NRG3: variants seen among roughly 807,000 people sequenced by gnomAD.
NRG3 encodes the protein neuregulin 3.
Under a neutral mutation model 66.9 loss-of-function variants are expected in NRG3, and 31 were observed. The ratio of observed to expected loss-of-function variants is 0.46; its 90% confidence interval spans 0.35 to 0.63. The LOEUF is 0.63. NRG3 is among the 20% of genes least tolerant of loss of function. NRG3 has a pLI of 0.00. For missense variants in NRG3, 910 were observed against 878.9 expected (o/e 1.04, Z -0.45); for synonymous variants, 393 against 359.4 (o/e 1.09, Z -1.06).
intron 2 of NRG3, among the ~76,000 whole-genome samples, chr10:82,541,513 G>A (rs1226324722): frequency 2.0e-5 from 3 of 152,076 alleles, no homozygotes; most frequent in Admixed American, 1.3e-4. Context: ...CAGGGGGTAC[G>A]TGACTGGGGG....
chr10:82,223,072 A>T (rs1388107969), intron 1 of NRG3, among the ~76,000 whole-genome samples: 1 of 152,200 alleles, frequency 6.6e-6, no homozygotes, highest in African/African-American at 2.4e-5. Context: ...ATTTCCTCTC[A>T]GGATTTCTTC....
chr10:82,137,093 G>A (rs1267328357), intron 1 of NRG3, among the ~76,000 whole-genome samples: 1 of 152,118 alleles, frequency 6.6e-6, no homozygotes, highest in Non-Finnish European at 1.5e-5. Context: ...TGATGTTCGT[G>A]TGGGGGAAAC....
At chr10:82,385,320 T>C (rs1425553398) in intron 2 of NRG3, among the ~76,000 whole-genome samples, 1 of 152,090 alleles carries the variant, frequency 6.6e-6, no homozygotes, top group Non-Finnish European at 1.5e-5. Context: ...CTTTAGTTTT[T>C]TCATTATATA....
intron 1 of NRG3, among the ~76,000 whole-genome samples, chr10:82,349,417 C>T (rs949518215): frequency 2.6e-5 from 4 of 150,978 alleles, no homozygotes; most frequent in Admixed American, 6.6e-5. Context: ...AGGCAGTCTG[C>T]CCGTTCTCAG....
At chr10:82,528,970 T>C (rs1360552602) in intron 2 of NRG3, among the ~76,000 whole-genome samples, 1 of 152,174 alleles carries the variant, frequency 6.6e-6, no homozygotes, top group East Asian at 1.9e-4. Context: ...TTTTCACTTG[T>C]AATAAAATTG....
intron 4 of NRG3, among the ~76,000 whole-genome samples, chr10:82,925,989 A>G (rs1327809884): frequency 6.6e-6 from 1 of 152,174 alleles, no homozygotes; most frequent in East Asian, 1.9e-4. Flanking sequence ...AGATTGTTTT[A>G]AAGGTTTAGC....
chr10:82,507,271 A>C (rs1446596562), intron 2 of NRG3, among the ~76,000 whole-genome samples: 2 of 152,180 alleles, frequency 1.3e-5, no homozygotes, highest in Non-Finnish European at 2.9e-5. Flanking sequence ...GTAAAGCTCC[A>C]TGCCTGAGGG....
At chr10:82,474,641 C>A (rs551579732) in intron 2 of NRG3, among the ~76,000 whole-genome samples, 67 of 151,954 alleles carry the variant, frequency 4.4e-4, no homozygotes, top group African/African-American at 1.6e-3. Flanking sequence ...CCAAGGGGAC[C>A]AATGTATGTA....
rs145479857 is a variant in NRG3 at position 82,230,687 on chromosome 10, A to G, written c.824-128052A>G. Among the ~76,000 whole-genome samples, 5 of 152,304 alleles carry G rather than the reference A, an allele frequency of 3.3e-5. No individual in the cohort carries two copies. The East Asian group carries it at 9.6e-4, about 29-fold the overall frequency. The stretch of plus-strand genomic sequence containing the variant: ...ATATTAAATATTTCTATCTGCATTG[A>G]TAAGTAAAAATATTTCTGAGAATTA... On this transcript the variant is annotated intron_variant, in intron 1 of 8. Transcript: ENST00000372141.
rs187557437 is a variant in NRG3, at chr10:81,914,001, A to T, written c.823+37838A>T. ...TTGTGGCACTTGTATCAAGCGGTAC[A>T]GCTATGCACACTCTCTAAGGCGGGC... On this transcript the variant is annotated intron_variant, in intron 1 of 8. Coordinates refer to ENST00000372141, the MANE Select transcript of NRG3 (RefSeq NM_001010848.4). Among the ~76,000 whole-genome samples the T allele has an allele frequency of 4.9e-3, 745 of 152,296 alleles. 2 individuals carry two copies. Among genetic ancestry groups the T allele is most frequent in the African/African-American group, 0.017 (711 of 41,540 alleles).
chr10:81,979,280 CAG>C (rs2060245808), intron 1 of NRG3, among the ~76,000 whole-genome samples: 1 of 151,868 alleles, frequency 6.6e-6, no homozygotes, highest in Non-Finnish European at 1.5e-5. Flanking sequence ...ATTTCCTCCA[CAG>C]AGTCTCTATG....
chr10:82,228,853 C>A (rs978440215), intron 1 of NRG3: 2 of 152,252 alleles, frequency 1.3e-5, no homozygotes, highest in Admixed American at 1.3e-4. Context: ...GTGGCAAGTG[C>A]ATGCCTGGAA....
At chr10:82,858,493 A>G (rs775971026) in intron 3 of NRG3, among the ~76,000 whole-genome samples, 1 of 152,160 alleles carries the variant, frequency 6.6e-6, no homozygotes, top group Non-Finnish European at 1.5e-5. Context: ...ATGATTTTAG[A>G]AACTACTAGA....
At chr10:81,944,421 G>C (rs970759777) in intron 1 of NRG3, among the ~76,000 whole-genome samples, 1 of 152,178 alleles carries the variant, frequency 6.6e-6, no homozygotes, top group Non-Finnish European at 1.5e-5. Flanking sequence ...ACCTTTACTT[G>C]AAAGACTAAA....
At chr10:82,442,724 A>C (rs1358704150) in intron 2 of NRG3, among the ~76,000 whole-genome samples, 1 of 151,362 alleles carries the variant, frequency 6.6e-6, no homozygotes, top group Non-Finnish European at 1.5e-5. Context: ...CTTATCAGAA[A>C]CAAAAAGTAA....
At chr10:82,584,706 A>G (rs1272428419) in intron 2 of NRG3, among the ~76,000 whole-genome samples, 1 of 152,120 alleles carries the variant, frequency 6.6e-6, no homozygotes, top group Non-Finnish European at 1.5e-5. Context: ...TCAAAACATA[A>G]TTTGTTACTT....
intron 1 of NRG3, among the ~76,000 whole-genome samples, chr10:82,176,013 C>T (rs759124601): frequency 3.3e-5 from 5 of 152,096 alleles, no homozygotes; most frequent in Non-Finnish European, 7.4e-5. Context: ...ATACTCTTTC[C>T]GTCAGCAGAA....
intron 6 of NRG3, among the ~76,000 whole-genome samples, chr10:82,969,823 C>T (rs1281577280): frequency 2.0e-5 from 3 of 152,170 alleles, no homozygotes; most frequent in African/African-American, 7.2e-5. Flanking sequence ...GAGAAACACA[C>T]ACATGCAAAT....
intron 2 of NRG3, among the ~76,000 whole-genome samples, chr10:82,623,099 A>G (rs1220458112): frequency 6.6e-6 from 1 of 152,074 alleles, no homozygotes; most frequent in African/African-American, 2.4e-5. Context: ...TATTTCACCC[A>G]GGGTACCACT....
Sources: gnomAD v4.1 joint callset for allele counts (sites outside exome capture counted in the v4.1 genomes callset) on GRCh38, gnomAD v4.1.1 for gene constraint, MANE v1.5 for transcripts, NCBI Gene and HGNC (gene_info 2026-07-23, HGNC 2026-07-21) for gene names.